Variants in MTTP observed in about 807,000 individuals in gnomAD.
MTTP encodes microsomal triglyceride transfer protein large subunit.
A neutral mutation model predicts 90.6 loss-of-function variants in MTTP; 49 were observed. That is an observed-to-expected ratio of 0.54 (90% CI 0.43 to 0.69). The LOEUF (loss-of-function observed/expected upper bound fraction) is 0.69. Ranked by LOEUF, MTTP falls within the 30% of genes least tolerant of loss-of-function variation. MTTP has a pLI of 0.00. For missense variants in MTTP, 945 were observed against 1,067.5 expected (o/e 0.89, Z 1.60); for synonymous variants, 347 against 384.2 (o/e 0.90, Z 1.13).
chr4:99,615,385 G>T (rs1409945126), intron 15 of MTTP, among the ~76,000 whole-genome samples: 2 of 152,236 alleles, frequency 1.3e-5, no homozygotes, highest in African/African-American at 4.8e-5. Flanking sequence ...CCCTGATCTA[G>T]ATTATCTTGT....
At chr4:99,613,216 G>GTATCCTCCAAGAACTAA in intron 15 of MTTP, 76 bp downstream of exon 15, 1 of 1,335,224 alleles carries the variant, frequency 7.5e-7, no homozygotes, top group Non-Finnish European at 1.0e-6. Flanking sequence ...CTTAGTTCTT[G>GTATCCTCCAAGAACTAA]GAGGATACAA....
At chr4:99,613,203 A>T (rs1012841991) in intron 15 of MTTP, 63 bp downstream of exon 15, 1 of 1,405,170 alleles carries the variant, frequency 7.1e-7, no homozygotes, top group Admixed American at 1.9e-5. Context: ...CGTTTTAAAT[A>T]TGCTTAGTTC....
At chr4:99,620,628 A>G (rs982496835) in intron 16 of MTTP, among the ~76,000 whole-genome samples, 2 of 152,248 alleles carry the variant, frequency 1.3e-5, no homozygotes, top group Non-Finnish European at 1.5e-5. Context: ...ATAGCTGCCT[A>G]GAAGCCAACA....
chr4:99,618,972 A>G lies in MTTP; in HGVS notation c.2218-2A>G, dbSNP rs1216021480. Reference sequence around the variant, plus strand: ...AACTATTATTATGCTTTTTTCTTCTAGGAACTTCAGTTACAATCTGGACTA... The same window carrying G: ...AACTATTATTATGCTTTTTTCTTCTGGGAACTTCAGTTACAATCTGGACTA... On this transcript the variant is annotated splice_acceptor_variant, in intron 15 of 17. Transcript: ENST00000265517. LOFTEE classifies it high-confidence loss of function. The G allele has an allele frequency of 1.9e-6, 3 of 1,611,436 alleles. No individual in the cohort carries two copies. The highest frequency in any genetic ancestry group is 2.5e-6 in the Non-Finnish European group (3 of 1,177,756).
At chr4:99,574,595 C>T (rs560479344), upstream of MTTP, 1 of 473,040 alleles carries the variant, frequency 2.1e-6, no homozygotes, top group East Asian at 4.4e-5. Context: ...AGTACTTCTG[C>T]ATTTATAGGA....
At chr4:99,622,589 C>T (rs1313736140) in intron 17 of MTTP, 88 bp from the exon 18 acceptor site, 1 of 1,427,398 alleles carries the variant, frequency 7.0e-7, no homozygotes, top group Non-Finnish European at 9.9e-7. Flanking sequence ...GGAACAGAAA[C>T]TTCAAGTACA....
rs751809050 is a variant in MTTP at position 99,583,444 on chromosome 4, C to T, written c.320C>T (p.Pro107Leu). The change falls in exon 3 of 18, where the codon CCA becomes CTA. Residue 107 changes from proline (P) to leucine (L), a missense_variant. Transcript: ENST00000265517. The stretch of plus-strand genomic sequence containing the variant: ...AAGAGCATCTTCAAAGGAAAAAGCC[C>T]ATCTAAAATAATGGGAAAGGAAAAC... The part of the protein sequence containing the change: ...GEKSIFKGKS[P>L]SKIMGKENLE... 5.0e-6 allele frequency: 8 copies of T among 1,613,370 alleles called. No homozygotes were observed. The highest frequency in any genetic ancestry group is 6.8e-6 in the Non-Finnish European group (8 of 1,179,742).
At chr4:99,568,247 T>C (rs1334966425) in intron 1 of MTTP, among the ~76,000 whole-genome samples, 1 of 152,072 alleles carries the variant, frequency 6.6e-6, no homozygotes, top group South Asian at 2.1e-4. Context: ...AATGTCTGTC[T>C]AGAAAATCCC....
At chr4:99,611,115 C>A (rs1206454507) in intron 12 of MTTP, 28 bp from the exon 13 acceptor site, 2 of 1,591,500 alleles carry the variant, frequency 1.3e-6, no homozygotes, top group East Asian at 2.2e-5. Flanking sequence ...AATGAATGTG[C>A]AGCTTTTTTT....
chr4:99,579,691 A>G (rs1224144822), intron 1 of MTTP, among the ~76,000 whole-genome samples: 2 of 152,042 alleles, frequency 1.3e-5, no homozygotes, highest in Admixed American at 1.3e-4. Context: ...TCCAATTTAC[A>G]TTTACAAAGG....
chr4:99,603,951 A>G (rs1227363047), intron 10 of MTTP, among the ~76,000 whole-genome samples: 1 of 152,214 alleles, frequency 6.6e-6, no homozygotes, highest in Non-Finnish European at 1.5e-5. Flanking sequence ...CCTTGAAGGT[A>G]GCTGCAAACC....
Position 99,606,970 on chromosome 4 carries a change from C to T in MTTP, c.1557+10C>T, listed in dbSNP as rs1725833041. ...TTTCATAACTGATGAGGTAAAATCT[C>T]CAAGAATATTTGCAACATTTACAGA... On this transcript the variant is annotated intron_variant, in intron 11 of 17. Coordinates refer to ENST00000265517, the MANE Select transcript of MTTP (RefSeq NM_001386140.1). The T allele has an allele frequency of 6.2e-7, 1 of 1,607,648 alleles. No individual in the cohort carries two copies. The highest frequency in any genetic ancestry group is 1.7e-5 in the Admixed American group (1 of 59,652).
chr4:99,583,721 G>T, intron 3 of MTTP: 3 of 635,704 alleles, frequency 4.7e-6, no homozygotes, highest in African/African-American at 1.8e-5. Flanking sequence ...TAGCCAATTT[G>T]TTTCCTATTT....
intron 7 of MTTP, chr4:99,595,479 A>G (rs566342952): frequency 2.8e-4 from 44 of 158,970 alleles, no homozygotes; most frequent in East Asian, 1.1e-3. Flanking sequence ...ATATACATTC[A>G]GAGAAATGAC....
chr4:99,583,855 C>A, intron 3 of MTTP: 4 of 455,096 alleles, frequency 8.8e-6, no homozygotes, highest in East Asian at 3.8e-5. Flanking sequence ...GTCATCAAAG[C>A]ATGATTGGAT....
intron 14 of MTTP, among the ~76,000 whole-genome samples, chr4:99,612,068 T>C (rs1725969664): frequency 6.6e-6 from 1 of 152,216 alleles, no homozygotes; most frequent in South Asian, 2.1e-4. Context: ...TACTTTCTTT[T>C]TAGTTTTTAT....
chr4:99,565,428 AAG>A (rs1724656322), intron 1 of MTTP, among the ~76,000 whole-genome samples: 1 of 152,258 alleles, frequency 6.6e-6, no homozygotes, highest in Non-Finnish European at 1.5e-5. Context: ...TAAGCACCAA[AAG>A]AGCACCAGCA....
intron 1 of MTTP, among the ~76,000 whole-genome samples, chr4:99,578,886 T>G (rs182498349): frequency 1.3e-5 from 2 of 152,348 alleles, no homozygotes; most frequent in East Asian, 3.9e-4. Context: ...TAAGACAACA[T>G]GTATTTCCTT....
At chr4:99,608,217 C>T (rs1354961775) in intron 11 of MTTP, among the ~76,000 whole-genome samples, 7 of 152,052 alleles carry the variant, frequency 4.6e-5, no homozygotes, top group South Asian at 2.1e-4. Context: ...AAGGCCGAGG[C>T]GGGTGGATCA....
Sources: gnomAD v4.1 joint callset for allele counts (sites outside exome capture counted in the v4.1 genomes callset) on GRCh38, gnomAD v4.1.1 for gene constraint, MANE v1.5 for transcripts, NCBI Gene and HGNC (gene_info 2026-07-23, HGNC 2026-07-21) for gene names.